THSD7A: variants seen among roughly 807,000 people sequenced by gnomAD.
THSD7A encodes thrombospondin type-1 domain-containing protein 7A.
Under a neutral mutation model 231.3 loss-of-function variants are expected in THSD7A, and 96 were observed. That is an observed-to-expected ratio of 0.41 (90% CI 0.35 to 0.49). THSD7A has a LOEUF of 0.49. Ranked by LOEUF, THSD7A falls within the 20% of genes least tolerant of loss-of-function variation. The pLI, the probability that THSD7A is intolerant of heterozygous loss-of-function variation, is 0.05. For missense variants in THSD7A, 2,290 were observed against 2,070.2 expected (o/e 1.11, Z -2.06); for synonymous variants, 940 against 743.3 (o/e 1.26, Z -4.30).
intron 1 of THSD7A, among the ~76,000 whole-genome samples, chr7:11,764,228 T>C (rs141657827): frequency 2.7e-4 from 41 of 152,262 alleles, no homozygotes; most frequent in African/African-American, 8.2e-4. Context: ...TGTCATAAAA[T>C]ACCAACTGAA....
At chr7:11,674,410 C>T (rs995337995) in intron 1 of THSD7A, among the ~76,000 whole-genome samples, 1 of 152,086 alleles carries the variant, frequency 6.6e-6, no homozygotes, top group Non-Finnish European at 1.5e-5. Context: ...CACTTTTCAC[C>T]CTTCTCTGTA....
At chr7:11,402,063 G>A in intron 22 of THSD7A, 95 bp from the exon 23 acceptor site, 3 of 968,780 alleles carry the variant, frequency 3.1e-6, no homozygotes, top group South Asian at 1.7e-5. Flanking sequence ...CAATGTTTCT[G>A]GTATCCCAGG....
At chr7:11,769,153 A>ATATATATATATATATT in intron 1 of THSD7A, among the ~76,000 whole-genome samples, 7 of 27,648 alleles carry the variant, frequency 2.5e-4, no homozygotes, top group African/African-American at 8.6e-4. Context: ...ATATATATAT[A>ATATATATATATATATT]TTTTTTTTTT....
intron 4 of THSD7A, among the ~76,000 whole-genome samples, chr7:11,550,943 A>G (rs1453200104): frequency 2.0e-5 from 3 of 152,134 alleles, no homozygotes; most frequent in African/African-American, 7.2e-5. Context: ...CCCACTTCAA[A>G]CTGTACTACA....
At chr7:11,815,799 A>T (rs1784674913) in intron 1 of THSD7A, among the ~76,000 whole-genome samples, 1 of 152,138 alleles carries the variant, frequency 6.6e-6, no homozygotes, top group South Asian at 2.1e-4. Flanking sequence ...ACAGCAAATA[A>T]ACTTATTATT....
intron 1 of THSD7A, among the ~76,000 whole-genome samples, chr7:11,661,036 G>C (rs1782910746): frequency 6.6e-6 from 1 of 150,876 alleles, no homozygotes; most frequent in Non-Finnish European, 1.5e-5. Flanking sequence ...AAGTGAAGAA[G>C]GTGAACAAAA....
At chr7:11,692,910 T>C (rs1780278429) in intron 1 of THSD7A, among the ~76,000 whole-genome samples, 1 of 151,584 alleles carries the variant, frequency 6.6e-6, no homozygotes, top group South Asian at 2.1e-4. Flanking sequence ...GCTTCACAGA[T>C]GGCCCTTAAG....
At chr7:11,678,433 AATAG>A (rs1481617224) in intron 1 of THSD7A, among the ~76,000 whole-genome samples, 15 of 152,296 alleles carry the variant, frequency 9.8e-5, no homozygotes, top group Non-Finnish European at 1.6e-4. Context: ...AGATTAACAA[AATAG>A]ATAGACCGCT....
chr7:11,398,024 T>C (rs1783255781), intron 23 of THSD7A, among the ~76,000 whole-genome samples: 1 of 152,182 alleles, frequency 6.6e-6, no homozygotes, highest in South Asian at 2.1e-4. Context: ...GACCCAGCAA[T>C]CCCATTACTG....
intron 6 of THSD7A, among the ~76,000 whole-genome samples, chr7:11,485,178 C>T (rs1017130849): frequency 7.9e-5 from 12 of 151,956 alleles, no homozygotes; most frequent in South Asian, 2.1e-4. Flanking sequence ...CATGAGCCAC[C>T]GCACCCAGAC....
rs1034425704 is a variant in THSD7A, at chr7:11,377,864, T to G, written c.4801+1206A>C. 12 of 152,080 alleles carry G rather than the reference T, an allele frequency of 7.9e-5. No homozygotes were observed. The highest frequency in any genetic ancestry group is 1.2e-4 in the Non-Finnish European group (8 of 67,996). The allele number at this position is 152,080 out of a possible 1,614,324, so 9.4% of individuals were successfully genotyped here. On this transcript the variant is annotated intron_variant, in intron 26 of 27. Coordinates refer to ENST00000423059, the MANE Select transcript of THSD7A (RefSeq NM_015204.3). This position sits in a 1 kb window ranked among gnomAD's most constrained non-coding sequence, Gnocchi z 4.5. Reference sequence around the variant, plus strand: ...TTAAAATAATGACAATAATATTCTTTTTTTTTTCAAAAGGACTGGTTTTGA... The same window carrying G: ...TTAAAATAATGACAATAATATTCTTGTTTTTTTCAAAAGGACTGGTTTTGA...
chr7:11,522,596 T>G (rs1296929180), intron 6 of THSD7A, among the ~76,000 whole-genome samples: 4 of 151,532 alleles, frequency 2.6e-5, no homozygotes, highest in Non-Finnish European at 5.9e-5. Context: ...AATTTTATTC[T>G]TATTAGAGAA....
intron 1 of THSD7A, among the ~76,000 whole-genome samples, chr7:11,749,410 C>T (rs1444684880): frequency 6.6e-6 from 1 of 151,932 alleles, no homozygotes; most frequent in Non-Finnish European, 1.5e-5. Flanking sequence ...TATCATTCTT[C>T]CCTAGTCATA....
chr7:11,602,771 T>C (rs1780594924), intron 2 of THSD7A, among the ~76,000 whole-genome samples: 1 of 151,728 alleles, frequency 6.6e-6, no homozygotes, highest in South Asian at 2.1e-4. Context: ...AAGAAGATGA[T>C]ATTTGTATTT....
rs200311199 is a variant in THSD7A at position 11,465,889 on chromosome 7, A to AT, written c.2369-3747dup. 2.0e-3 allele frequency among the ~76,000 whole-genome samples: 310 copies of AT among 152,264 alleles called. 10 individuals carry two copies. The East Asian group carries it at 0.051, about 25-fold the overall frequency. Reference sequence around the variant, plus strand: ...TAATTTATGTGCATAAGGTATTTCTATTTTTTAAAATGCCCTCTGTCAAAA... The same window carrying AT: ...TAATTTATGTGCATAAGGTATTTCTATTTTTTTAAAATGCCCTCTGTCAAAA... On this transcript the variant is annotated intron_variant, in intron 9 of 27. Coordinates refer to ENST00000423059, the MANE Select transcript of THSD7A (RefSeq NM_015204.3).
At position 11,384,284 on chromosome 7, in the gene THSD7A, C is replaced by T. The variant is rs934675740; in HGVS notation, c.4412-1668G>A. ...TAGATTTGCTATTCTAGACATGAAT[C>T]CTTTGAAATTAATTGGCTTCATAAG... On this transcript the variant is annotated intron_variant, in intron 23 of 27. Transcript: ENST00000423059. 2.0e-5 allele frequency: 3 copies of T among 151,790 alleles called. No individual in the cohort carries two copies. The South Asian group carries it at 6.2e-4, about 32-fold the overall frequency. The allele number at this position is 151,790 out of a possible 1,614,324, so 9.4% of individuals were successfully genotyped here.
At chr7:11,631,816 C>G (rs996050572) in intron 2 of THSD7A, among the ~76,000 whole-genome samples, 1 of 152,154 alleles carries the variant, frequency 6.6e-6, no homozygotes, top group African/African-American at 2.4e-5. Flanking sequence ...AGATAAGCAA[C>G]ACCATTTTGG....
intron 11 of THSD7A, among the ~76,000 whole-genome samples, chr7:11,451,867 C>T (rs190221714): frequency 7.6e-4 from 116 of 152,070 alleles, no homozygotes; most frequent in African/African-American, 2.5e-3. Flanking sequence ...TCAGGTTTCA[C>T]AAGAAGAAGG....
At chr7:11,428,874 C>G in intron 14 of THSD7A, 73 bp downstream of exon 14, 2 of 1,510,556 alleles carry the variant, frequency 1.3e-6, no homozygotes, top group Non-Finnish European at 1.8e-6. Context: ...ATTTCCTCTT[C>G]TCCATTTTGG....
Sources: gnomAD v4.1 joint callset for allele counts (sites outside exome capture counted in the v4.1 genomes callset) on GRCh38, gnomAD v4.1.1 for gene constraint, Gnocchi (gnomAD v3.1) non-coding constraint, MANE v1.5 for transcripts, NCBI Gene and HGNC (gene_info 2026-07-23, HGNC 2026-07-21) for gene names.